The following FGGY variants were observed in gnomAD, a reference collection of about 807,000 sequenced individuals.
FGGY encodes the protein FGGY carbohydrate kinase domain containing.
FGGY carries 72 observed loss-of-function variants against 71.3 expected under a neutral mutation model. The ratio of observed to expected loss-of-function variants is 1.01; its 90% CI spans 0.84 to 1.23. The LOEUF is 1.23. Among genes scored for constraint, FGGY ranks in the 50% most tolerant of loss-of-function variants. The probability of loss-of-function intolerance (pLI) is 0.00; values close to 1 mark genes in which losing one functional copy is unlikely to be tolerated. For missense variants in FGGY, 668 were observed against 682.3 expected (o/e 0.98, Z 0.23); for synonymous variants, 251 against 250.3 (o/e 1.00, Z -0.02).
chr1:59,759,734 C>T (rs79915973), intron 15 of FGGY, among the ~76,000 whole-genome samples: 1 of 152,188 alleles, frequency 6.6e-6, no homozygotes, highest in East Asian at 1.9e-4. Flanking sequence ...ACACTGTTAA[C>T]GATGTGGGAC....
At chr1:59,354,277 C>T (rs1161089931) in intron 4 of FGGY, among the ~76,000 whole-genome samples, 2 of 152,122 alleles carry the variant, frequency 1.3e-5, no homozygotes, top group East Asian at 3.9e-4. Context: ...TGAGGTTTTA[C>T]CATGTTGCCC....
intron 6 of FGGY, among the ~76,000 whole-genome samples, chr1:59,482,482 A>ATG (rs1201269586): frequency 7.2e-5 from 11 of 152,082 alleles, no homozygotes; most frequent in African/African-American, 2.4e-5. Flanking sequence ...ATTTATATAT[A>ATG]TATAAACAGT....
intron 4 of FGGY, among the ~76,000 whole-genome samples, chr1:59,350,146 G>A (rs2052957508): frequency 6.6e-6 from 1 of 152,138 alleles, no homozygotes; most frequent in African/African-American, 2.4e-5. Context: ...AGTTCATCAA[G>A]CTGTCATGTG....
At chr1:59,302,015 G>C (rs1204254974) in intron 1 of FGGY, among the ~76,000 whole-genome samples, 1 of 151,640 alleles carries the variant, frequency 6.6e-6, no homozygotes, top group Non-Finnish European at 1.5e-5. Flanking sequence ...GGGATTACAG[G>C]CGTGAGCCAC....
chr1:59,595,455 C>T (rs572013435), intron 8 of FGGY, among the ~76,000 whole-genome samples: 2 of 152,218 alleles, frequency 1.3e-5, no homozygotes, highest in East Asian at 3.9e-4. Flanking sequence ...CTTTAGGAGA[C>T]CAAGGTGGGC....
At chr1:59,374,022 G>A (rs1289184965) in intron 4 of FGGY, among the ~76,000 whole-genome samples, 5 of 152,166 alleles carry the variant, frequency 3.3e-5, no homozygotes, top group African/African-American at 1.2e-4. Flanking sequence ...AACACCAAAA[G>A]CAATGGCAAC....
At chr1:59,482,623 T>C (rs1267857133) in intron 6 of FGGY, among the ~76,000 whole-genome samples, 3 of 106,548 alleles carry the variant, frequency 2.8e-5, no homozygotes, top group Non-Finnish European at 5.7e-5. Flanking sequence ...TGTGTGTGTG[T>C]GTGTCTGTGT....
At chr1:59,358,140 T>C (rs2054700681) in intron 4 of FGGY, among the ~76,000 whole-genome samples, 1 of 152,216 alleles carries the variant, frequency 6.6e-6, no homozygotes, top group Admixed American at 6.5e-5. Flanking sequence ...CTTGGAAATC[T>C]AGAGGCTCAG....
chr1:59,699,144 C>G, intron 14 of FGGY: 1 of 985,190 alleles, frequency 1.0e-6, no homozygotes, highest in Non-Finnish European at 1.2e-6. Flanking sequence ...CAAATTATAC[C>G]ACAAACTTTT....
At chr1:59,701,594 T>C (rs1558844932) in intron 14 of FGGY, among the ~76,000 whole-genome samples, 1 of 152,038 alleles carries the variant, frequency 6.6e-6, no homozygotes, top group Admixed American at 6.6e-5. Flanking sequence ...CATCATACAG[T>C]GTGCTATGCC....
At chr1:59,663,485 A>G (rs548812287) in intron 12 of FGGY, among the ~76,000 whole-genome samples, 2 of 152,316 alleles carry the variant, frequency 1.3e-5, no homozygotes, top group Non-Finnish European at 2.9e-5. Context: ...AAATGTATAA[A>G]TGAGGTTAAA....
At chr1:59,732,178 AC>A (rs1163165053) in intron 14 of FGGY, among the ~76,000 whole-genome samples, 5 of 152,134 alleles carry the variant, frequency 3.3e-5, no homozygotes, top group Admixed American at 2.0e-4. Flanking sequence ...ATCCAGTTGT[AC>A]AAAGAGGCAG....
intron 14 of FGGY, among the ~76,000 whole-genome samples, chr1:59,750,335 GAAAAT>G (rs970156439): frequency 8.6e-5 from 13 of 151,852 alleles, no homozygotes; most frequent in African/African-American, 2.7e-4. Context: ...TTTTATAATT[GAAAAT>G]AAAATAAAAT....
chr1:59,708,213 C>A (rs529768888), intron 14 of FGGY, among the ~76,000 whole-genome samples: 1 of 152,250 alleles, frequency 6.6e-6, no homozygotes, highest in South Asian at 2.1e-4. Flanking sequence ...TTATGTTTGC[C>A]CTTGGTGCTT....
chr1:59,692,718 T>A (rs896102418), intron 14 of FGGY, among the ~76,000 whole-genome samples: 2 of 151,904 alleles, frequency 1.3e-5, no homozygotes, highest in South Asian at 2.1e-4. Flanking sequence ...GCATGGGCCG[T>A]CTTATCAGCC....
At chr1:59,605,619 A>G (rs1019942807) in intron 8 of FGGY, among the ~76,000 whole-genome samples, 14 of 151,986 alleles carry the variant, frequency 9.2e-5, no homozygotes, top group Admixed American at 3.3e-4. Flanking sequence ...CTTTTGAAAA[A>G]CTGTCCTTAT....
At chr1:59,415,760 C>T (rs921295569) in intron 5 of FGGY, among the ~76,000 whole-genome samples, 5 of 152,316 alleles carry the variant, frequency 3.3e-5, no homozygotes, top group Non-Finnish European at 7.4e-5. Context: ...CTAGCATTGT[C>T]TTGTAAATGC....
At position 59,584,226 on chromosome 1, in the gene FGGY, T is replaced by C. The variant is rs564878805; in HGVS notation, c.904-23577T>C. Among the ~76,000 whole-genome samples the C allele has an allele frequency of 3.3e-5, 5 of 149,560 alleles. No individual in the cohort carries two copies. In the East Asian group the frequency reaches 5.9e-4, roughly 18 times the overall value. Reference sequence around the variant, plus strand: ...GACACAACAACAAAAAAAAAGAGAATTTTAGACCAATATCCCTGATGAACA... The same window carrying C: ...GACACAACAACAAAAAAAAAGAGAACTTTAGACCAATATCCCTGATGAACA... On this transcript the variant is annotated intron_variant, in intron 8 of 15. Transcript: ENST00000303721.
intron 11 of FGGY, among the ~76,000 whole-genome samples, chr1:59,653,970 A>G (rs1452310192): frequency 1.3e-5 from 2 of 152,214 alleles, no homozygotes; most frequent in Non-Finnish European, 2.9e-5. Flanking sequence ...AATCCAGGAT[A>G]ATCTCCCTAT....
Sources: allele counts gnomAD v4.1 joint callset (sites outside exome capture counted in the v4.1 genomes callset), GRCh38; gene constraint gnomAD v4.1.1; transcripts MANE v1.5; gene names NCBI Gene and HGNC (gene_info 2026-07-23, HGNC 2026-07-21).